GYS1: variants seen among roughly 807,000 people sequenced by gnomAD.
The protein encoded by GYS1 is glycogen [starch] synthase, muscle.
Under a neutral mutation model 89.1 loss-of-function variants are expected in GYS1, and 60 were observed. The ratio of observed to expected loss-of-function variants is 0.67; its 90% CI spans 0.55 to 0.84. GYS1 has a LOEUF of 0.84. Among genes scored for constraint, GYS1 ranks in the 40% least tolerant of loss-of-function variants. The pLI, the probability that GYS1 is intolerant of heterozygous loss-of-function variation, is 0.00. For missense variants in GYS1, 888 were observed against 1,003.1 expected (o/e 0.89, Z 1.55); for synonymous variants, 366 against 401.7 (o/e 0.91, Z 1.06).
chr19:48,973,505 ATTTT>A lies in GYS1; in HGVS notation c.1549+704_1549+707del, dbSNP rs34032782. 4.8e-3 allele frequency among the ~76,000 whole-genome samples: 584 copies of A among 120,598 alleles called. 3 individuals carry two copies. Among genetic ancestry groups the A allele is most frequent in the African/African-American group, 0.018 (557 of 31,248 alleles). The allele number at this position is 120,598 out of a possible 152,430, so 79.1% of individuals were successfully genotyped here. A position where few individuals can be genotyped will look rare whatever the true frequency, so the allele number is the denominator to read the frequency against. On this transcript the variant is annotated intron_variant, in intron 12 of 15. Coordinates refer to ENST00000323798, the MANE Select transcript of GYS1 (RefSeq NM_002103.5). ...AGGAAATGGCACTAATTTAGCTTTA[ATTTT>A]TTTTTTTTTTTTTTTTTGAGACGGA...
chr19:48,988,644 T>C (rs1196211536), intron 2 of GYS1, among the ~76,000 whole-genome samples: 1 of 152,192 alleles, frequency 6.6e-6, no homozygotes, highest in Non-Finnish European at 1.5e-5. Context: ...AGACGGGGTC[T>C]TGCTCTGTCC....
At chr19:48,983,367 CAAGTAT>C (rs1242907439) in intron 5 of GYS1, among the ~76,000 whole-genome samples, 2 of 152,194 alleles carry the variant, frequency 1.3e-5, no homozygotes, top group Middle Eastern at 3.2e-3. Context: ...TTCACAAGCA[CAAGTAT>C]AAGTCTCCTC....
Position 48,969,082 on chromosome 19 carries a change from C to A in GYS1, c.*206G>T. On this transcript the variant is annotated 3_prime_UTR_variant, in exon 16 of 16. Transcript: ENST00000323798. Reference sequence around the variant, plus strand: ...GCGCTGATTATGCATATTCTGGAGCCAGAGAAAGGCACGGCTTTGTGGATT... The same window carrying A: ...GCGCTGATTATGCATATTCTGGAGCAAGAGAAAGGCACGGCTTTGTGGATT... The A allele has an allele frequency of 1.6e-6, 1 of 637,884 alleles. No homozygotes were observed. 39.5% of individuals were successfully genotyped at this position (637,884 alleles called of 1,614,324 possible).
intron 10 of GYS1, among the ~76,000 whole-genome samples, chr19:48,976,406 G>A: frequency 6.6e-6 from 1 of 151,970 alleles, no homozygotes; most frequent in Non-Finnish European, 1.5e-5. Context: ...GGGCTGCTGG[G>A]AGTTGTAGTT....
intron 10 of GYS1, among the ~76,000 whole-genome samples, chr19:48,975,030 A>G (rs148423691): frequency 2.0e-5 from 3 of 152,156 alleles, no homozygotes; most frequent in African/African-American, 7.2e-5. Flanking sequence ...TCCCAGGATC[A>G]TGCCATTCTC....
chr19:48,974,589 G>C, intron 11 of GYS1, 31 bp downstream of exon 11: 1 of 1,468,190 alleles, frequency 6.8e-7, no homozygotes, highest in Non-Finnish European at 9.5e-7. Context: ...CCTCTGCCGT[G>C]CCCAACCCAG....
At chr19:48,970,434 T>A in intron 14 of GYS1, 112 bp downstream of exon 14, 1 of 926,684 alleles carries the variant, frequency 1.1e-6, no homozygotes, top group Non-Finnish European at 1.7e-6. Context: ...GGTTCATTGC[T>A]TAAAGGGACA....
chr19:48,975,115 A>G (rs2038625071), intron 10 of GYS1, among the ~76,000 whole-genome samples: 1 of 151,976 alleles, frequency 6.6e-6, no homozygotes, highest in Non-Finnish European at 1.5e-5. Context: ...TATTTTTAGT[A>G]GAGACGAGGT....
chr19:48,978,238 A>G (rs1374774642), intron 8 of GYS1, 81 bp from the exon 9 acceptor site: 2 of 1,247,056 alleles, frequency 1.6e-6, no homozygotes, highest in African/African-American at 1.5e-5. Context: ...TTGTTTGTTT[A>G]TTTTGAGACG....
rs748031807 is a variant in GYS1, at chr19:48,991,455, C to T, written c.147G>A (p.Thr49=). 149 of 1,613,820 alleles carry T rather than the reference C, an allele frequency of 9.2e-5. 1 individual carries two copies. The highest frequency in any genetic ancestry group is 9.5e-5 in the Non-Finnish European group (112 of 1,179,972). Reference sequence around the variant, plus strand: ...ATTCGTCCCCTGTCACCTTCGCCTTCGTCTGCAGCACCGTGTAGATGCCAC... The same window carrying T: ...ATTCGTCCCCTGTCACCTTCGCCTTTGTCTGCAGCACCGTGTAGATGCCAC... The part of the protein sequence containing the change: ...KVGGIYTVLQ[T]KAKVTGDEWG... Residue 49 remains threonine (T), a synonymous_variant, in exon 2 of 16, where the codon ACG becomes ACA. Coordinates refer to ENST00000323798, the MANE Select transcript of GYS1 (RefSeq NM_002103.5). This position sits in a 1 kb window ranked among gnomAD's most constrained non-coding sequence, Gnocchi z 4.7.
Position 48,974,193 on chromosome 19 carries a change from C to A in GYS1, c.1549+20G>T. ...GACTAGGATGCCATGACCACGCTGTCCCCTGCCCACTACACTCACCCGGTG... is the reference window on the plus strand; with the variant it reads ...GACTAGGATGCCATGACCACGCTGTACCCTGCCCACTACACTCACCCGGTG... On this transcript the variant is annotated intron_variant, in intron 12 of 15. Transcript: ENST00000323798. 2 of 1,582,834 alleles carry A rather than the reference C, an allele frequency of 1.3e-6. No individual in the cohort carries two copies. The highest frequency in any genetic ancestry group is 2.3e-5 in the South Asian group (2 of 87,118).
chr19:48,991,385 C>G lies in GYS1; in HGVS notation c.217G>C (p.Val73Leu). The G allele has an allele frequency of 6.2e-7, 1 of 1,614,150 alleles. No individual in the cohort carries two copies. The highest frequency in any genetic ancestry group is 8.5e-7 in the Non-Finnish European group (1 of 1,180,046). ...TCCAGCAGTTCCACCTGGGTCCTCA[C>G]GCCCTGCTCCGTGTACGGCCCCACC... ...FLVGPYTEQG[V>L]RTQVELLEAP... The change falls in exon 2 of 16, where the codon GTG (valine) becomes CTG (leucine). Residue 73 changes from valine to leucine, a missense_variant. Coordinates refer to ENST00000323798, the MANE Select transcript of GYS1 (RefSeq NM_002103.5). This position sits in a 1 kb window ranked among gnomAD's most constrained non-coding sequence, Gnocchi z 4.7.
In GYS1 at chr19:48,982,372, A is replaced by T. The variant is rs2038779389; in HGVS notation, c.945T>A (p.His315Gln). 4 of 1,613,734 alleles carry T rather than the reference A, an allele frequency of 2.5e-6. No individual in the cohort carries two copies. In the African/African-American group the frequency reaches 4.0e-5, roughly 16 times the overall value. The change falls in exon 7 of 16, where the codon CAT (histidine) becomes CAA (glutamine). Residue 315 changes from histidine (H) to glutamine (Q), a missense_variant. Coordinates refer to ENST00000323798, the MANE Select transcript of GYS1 (RefSeq NM_002103.5). ...QEFVRGHFYG[H>Q]LDFNLDKTLY... ...AGGTCTTGTCCAAGTTGAAGTCCAGATGCCTAAAGAACCCACAAGGCACGG... is the reference window on the plus strand; with the variant it reads ...AGGTCTTGTCCAAGTTGAAGTCCAGTTGCCTAAAGAACCCACAAGGCACGG...
At chr19:48,979,825 T>G (rs2038729074) in intron 8 of GYS1, among the ~76,000 whole-genome samples, 1 of 151,358 alleles carries the variant, frequency 6.6e-6, no homozygotes. Context: ...TTTTTTATTT[T>G]TAGGAAAGAC....
intron 8 of GYS1, among the ~76,000 whole-genome samples, chr19:48,981,003 A>C (rs2038752130): frequency 6.6e-6 from 1 of 151,958 alleles, no homozygotes; most frequent in African/African-American, 2.4e-5. Flanking sequence ...AGTCCCAGCT[A>C]CTCAGAGGCT....
In GYS1 at chr19:48,968,867, T is replaced by G; in HGVS notation, c.*421A>C. 2.2e-6 allele frequency: 1 copy of G among 464,768 alleles called. No individual in the cohort carries two copies. 28.8% of individuals were successfully genotyped at this position (464,768 alleles called of 1,614,324 possible). The stretch of plus-strand genomic sequence containing the variant: ...GGGACACCACGTGGTTTCCAGAACT[T>G]GGTGGCCCGCATGCCGGGCCTGAGC... On this transcript the variant is annotated 3_prime_UTR_variant, in exon 16 of 16. Coordinates refer to ENST00000323798, the MANE Select transcript of GYS1 (RefSeq NM_002103.5).
At position 48,990,005 on chromosome 19, in the gene GYS1, G is replaced by GGGC. The variant is rs1442201776; in HGVS notation, c.300+1296_300+1297insGCC. Among the ~76,000 whole-genome samples the GGGC allele has an allele frequency of 1.9e-4, 25 of 134,846 alleles. 2 individuals carry two copies. Among genetic ancestry groups the GGGC allele is most frequent in the Admixed American group, 6.1e-4 (8 of 13,066 alleles). 88.5% of individuals were successfully genotyped at this position (134,846 alleles called of 152,430 possible). ...TGTTGTCTGCCCTTTTGCTGGGGGG[G>GGGC]GGGGGGGGCTATTCTTAGGCCCCCA... On this transcript the variant is annotated intron_variant, in intron 2 of 15. Coordinates refer to ENST00000323798, the MANE Select transcript of GYS1 (RefSeq NM_002103.5).
Position 48,968,658 on chromosome 19 carries a change from G to A in GYS1, c.*630C>T. On this transcript the variant is annotated 3_prime_UTR_variant, in exon 16 of 16. Transcript: ENST00000323798. ...CTACCACCTCTTGCTTGGCCAAAGT[G>A]TAGGGGATGACAGGAGCCGGATGGA... The A allele has an allele frequency of 2.2e-6, 1 of 454,184 alleles. No homozygotes were observed. Among genetic ancestry groups the A allele is most frequent in the Non-Finnish European group, 4.4e-6 (1 of 226,796 alleles). The allele number at this position is 454,184 out of a possible 1,614,324, so 28.1% of individuals were successfully genotyped here.
chr19:48,978,873 G>A (rs1037273570), intron 8 of GYS1, among the ~76,000 whole-genome samples: 1 of 152,130 alleles, frequency 6.6e-6, no homozygotes, highest in Non-Finnish European at 1.5e-5. Context: ...ACTGAGGTGT[G>A]AGCAGGGAAG....
Sources: allele counts gnomAD v4.1 joint callset (sites outside exome capture counted in the v4.1 genomes callset), GRCh38; gene constraint gnomAD v4.1.1; non-coding constraint Gnocchi (gnomAD v3.1); transcripts MANE v1.5; gene names NCBI Gene and HGNC (gene_info 2026-07-23, HGNC 2026-07-21).